The following SYT6 variants were observed in gnomAD, a reference collection of about 807,000 sequenced individuals.
SYT6 encodes synaptotagmin-6.
In SYT6, 24 loss-of-function variants were observed where a neutral mutation model predicts 38.4. That is an observed-to-expected ratio of 0.62 (90% CI 0.45 to 0.88). SYT6 has a LOEUF of 0.88. SYT6 is among the 40% of genes least tolerant of loss of function. SYT6 has a pLI of 0.00. For missense variants in SYT6, 611 were observed against 621.0 expected (o/e 0.98, Z 0.17); for synonymous variants, 265 against 241.9 (o/e 1.10, Z -0.89).
At chr1:114,140,512 A>C (rs1678806317) in intron 1 of SYT6, among the ~76,000 whole-genome samples, 2 of 152,172 alleles carry the variant, frequency 1.3e-5, no homozygotes, top group African/African-American at 4.8e-5. Context: ...AGCCCAAGAC[A>C]GGAACTCAAT....
At chr1:114,149,217 T>TTGTGTGTG (rs879834403) in intron 1 of SYT6, among the ~76,000 whole-genome samples, 2 of 38,016 alleles carry the variant, frequency 5.3e-5, no homozygotes, top group African/African-American at 2.4e-4. Flanking sequence ...GAGAGAGAGA[T>TTGTGTGTG]TGTGTGTGTG....
At chr1:114,092,965 C>T (rs1675413393) in intron 7 of SYT6, among the ~76,000 whole-genome samples, 1 of 152,146 alleles carries the variant, frequency 6.6e-6, no homozygotes, top group South Asian at 2.1e-4. Flanking sequence ...CTGAAGAGAC[C>T]CAGTACTGTC....
intron 3 of SYT6, among the ~76,000 whole-genome samples, chr1:114,135,994 C>T (rs371308705): frequency 1.7e-4 from 26 of 152,300 alleles, no homozygotes; most frequent in African/African-American, 4.3e-4. Context: ...TGTTCCAATC[C>T]GCCCTGTCTG....
Position 114,139,872 on chromosome 1 carries a change from C to A in SYT6, c.255G>T (p.Trp85Cys). ...VFLFLFWKLC[W>C]MPWRNKEASS... Reference sequence around the variant, plus strand: ...AGGCCTCCTTGTTCCTCCAGGGCATCCAGCACAGCTTCCAAAAGAGAAAGA... The same window carrying A: ...AGGCCTCCTTGTTCCTCCAGGGCATACAGCACAGCTTCCAAAAGAGAAAGA... The change falls in exon 2 of 8, where the codon TGG (tryptophan) becomes TGT (cysteine). Residue 85 changes from tryptophan to cysteine, a missense_variant. Physicochemically the swap from Trp to Cys is radical, Grantham distance 215. Transcript: ENST00000610222. 6.4e-7 allele frequency: 1 copy of A among 1,562,108 alleles called. No individual in the cohort carries two copies. Among genetic ancestry groups the A allele is most frequent in the Non-Finnish European group, 8.6e-7 (1 of 1,156,180 alleles).
At chr1:114,122,317 T>C (rs1168422543) in intron 3 of SYT6, among the ~76,000 whole-genome samples, 1 of 152,186 alleles carries the variant, frequency 6.6e-6, no homozygotes, top group East Asian at 1.9e-4. Flanking sequence ...CTCCTCGAAA[T>C]TCTTTTCCAA....
chr1:114,131,119 A>G (rs997673335), intron 3 of SYT6, among the ~76,000 whole-genome samples: 1 of 152,180 alleles, frequency 6.6e-6, no homozygotes, highest in African/African-American at 2.4e-5. Flanking sequence ...AGGGACCTGC[A>G]TGTCCCCAAG....
At chr1:114,139,572 G>A in intron 2 of SYT6, 43 bp downstream of exon 2, 1 of 1,611,618 alleles carries the variant, frequency 6.2e-7, no homozygotes, top group South Asian at 1.1e-5. Context: ...TTAAGGGAGT[G>A]TGGAGGTGTG....
intron 3 of SYT6, among the ~76,000 whole-genome samples, chr1:114,135,499 AATG>A (rs1678424005): frequency 7.1e-6 from 1 of 139,870 alleles, no homozygotes; most frequent in African/African-American, 2.6e-5. Flanking sequence ...GGAGGGCTAT[AATG>A]ATACTAGTTG....
chr1:114,129,836 C>T (rs1400373801), intron 3 of SYT6, among the ~76,000 whole-genome samples: 1 of 95,998 alleles, frequency 1.0e-5, no homozygotes, highest in African/African-American at 4.1e-5. Context: ...ACCACCACAC[C>T]TGTTTTTTTT....
At chr1:114,135,730 T>C (rs896797191) in intron 3 of SYT6, among the ~76,000 whole-genome samples, 2 of 152,082 alleles carry the variant, frequency 1.3e-5, no homozygotes, top group Admixed American at 6.6e-5. Flanking sequence ...CACCAGATGG[T>C]GGGCTCTGGC....
At chr1:114,105,281 C>G (rs1006294503) in intron 3 of SYT6, among the ~76,000 whole-genome samples, 3 of 151,900 alleles carry the variant, frequency 2.0e-5, no homozygotes, top group Admixed American at 6.6e-5. Context: ...AAGAGCCACC[C>G]TCTCCTGGAG....
At position 114,116,450 on chromosome 1, in the gene SYT6, GT is replaced by G. The variant is rs1163880779; in HGVS notation, c.1072-12730del. 4.6e-5 allele frequency among the ~76,000 whole-genome samples: 7 copies of G among 152,314 alleles called. No individual in the cohort carries two copies. In the East Asian group the frequency reaches 1.2e-3, roughly 25 times the overall value. On this transcript the variant is annotated intron_variant, in intron 3 of 7. Transcript: ENST00000610222. Reference sequence around the variant, plus strand: ...GAGGAGGAAACCCACATATGAAAAAGTTTTGAGCCAGTGAAGTGTTTCCCCT... The same window carrying G: ...GAGGAGGAAACCCACATATGAAAAAGTTTGAGCCAGTGAAGTGTTTCCCCT...
Position 114,103,682 on chromosome 1 carries a change from A to G in SYT6, c.1111T>C (p.Tyr371His). The stretch of plus-strand genomic sequence containing the variant: ...GTGAGCCTGCCTGCAGTGGGCAGGT[A>G]GCAAAGGGAGAACATGATCTCTCCC... ...DLGEIMFSLCYLPTAGRLTLT... is the reference protein window; with the variant it reads ...DLGEIMFSLCHLPTAGRLTLT... Residue 371 changes from tyrosine (Y) to histidine (H), a missense_variant, in exon 4 of 8, where the codon TAC becomes CAC. Coordinates refer to ENST00000610222, the MANE Select transcript of SYT6 (RefSeq NM_001253772.2). 6.2e-7 allele frequency: 1 copy of G among 1,614,164 alleles called. No individual in the cohort carries two copies. Among genetic ancestry groups the G allele is most frequent in the Non-Finnish European group, 8.5e-7 (1 of 1,180,016 alleles).
At chr1:114,095,666 C>T (rs1412479473) in intron 6 of SYT6, among the ~76,000 whole-genome samples, 4 of 146,208 alleles carry the variant, frequency 2.7e-5, no homozygotes, top group Admixed American at 6.8e-5. Context: ...GTTTTCTTTT[C>T]TTTTTTTTTT....
chr1:114,123,558 C>G (rs894375357), intron 3 of SYT6, among the ~76,000 whole-genome samples: 1 of 152,196 alleles, frequency 6.6e-6, no homozygotes, highest in Non-Finnish European at 1.5e-5. Flanking sequence ...TGGCAGGTGG[C>G]CAGGGTGGCT....
rs200991146 is a variant in SYT6, at chr1:114,137,971, C to G, written c.595G>C (p.Glu199Gln). The change falls in exon 3 of 8, where the codon GAG becomes CAG. Residue 199 changes from glutamate to glutamine, a missense_variant. Physicochemically the swap from Glu to Gln is conservative, Grantham distance 29. Transcript: ENST00000610222. ...ATGCGGCCAATGCTGGTGGGCTGCT[C>G]TGCTGCTGGTGGAAGCTCATTGCCA... The part of the protein sequence containing the change: ...DYGNELPPAA[E>Q]QPTSIGRIKP... The G allele has an allele frequency of 7.4e-5, 119 of 1,613,938 alleles. 1 individual carries two copies. The highest frequency in any genetic ancestry group is 9.7e-5 in the Non-Finnish European group (115 of 1,180,026).
At chr1:114,101,677 C>T (rs1165254310) in intron 4 of SYT6, among the ~76,000 whole-genome samples, 1 of 152,160 alleles carries the variant, frequency 6.6e-6, no homozygotes. Flanking sequence ...AGTCCAACAT[C>T]GAATAAGTCT....
chr1:114,143,354 A>T (rs1678972817), intron 1 of SYT6, among the ~76,000 whole-genome samples: 1 of 149,066 alleles, frequency 6.7e-6, no homozygotes, highest in South Asian at 2.1e-4. Context: ...TATGTATAAA[A>T]GTTTTAGATA....
intron 3 of SYT6, among the ~76,000 whole-genome samples, chr1:114,129,649 TTCTTTTTC>T (rs1337394560): frequency 2.2e-5 from 3 of 138,370 alleles, no homozygotes; most frequent in Admixed American, 7.9e-5. Context: ...TTCTCTTTCT[TTCTTTTTC>T]TTTCTTTCTT....
Sources: gnomAD v4.1 joint callset for allele counts (sites outside exome capture counted in the v4.1 genomes callset) on GRCh38, gnomAD v4.1.1 for gene constraint, MANE v1.5 for transcripts, NCBI Gene and HGNC (gene_info 2026-07-23, HGNC 2026-07-21) for gene names.